Variants in ZZEF1 observed in about 807,000 individuals in gnomAD.
ZZEF1 encodes the protein zinc finger ZZ-type and EF-hand domain-containing protein 1.
ZZEF1 carries 157 observed loss-of-function variants against 342.8 expected under a neutral mutation model. The observed-to-expected ratio is 0.46, with a 90% CI of 0.40 to 0.52. ZZEF1 has a LOEUF of 0.52. ZZEF1 is among the 20% of genes least tolerant of loss of function. The pLI is 0.00. For synonymous variants in ZZEF1, 1,505 were observed against 1,429.1 expected, an observed-to-expected ratio of 1.05 and a Z score of -1.20; for missense variants, 3,480 against 3,725.6, an observed-to-expected ratio of 0.93 and a Z score of 1.72.
chr17:4,094,984 C>T (rs962346820), intron 11 of ZZEF1, among the ~76,000 whole-genome samples: 14 of 152,186 alleles, frequency 9.2e-5, no homozygotes, highest in African/African-American at 3.4e-4. Context: ...CTGGAAATGC[C>T]TCAACACATT....
chr17:4,074,427 C>T (rs1052920214), intron 23 of ZZEF1, 76 bp from the exon 24 acceptor site: 25 of 1,418,904 alleles, frequency 1.8e-5, no homozygotes, highest in Middle Eastern at 3.5e-4. Context: ...CTCTTCATGA[C>T]GAGAAACATC....
chr17:4,115,630 A>G (rs917316246), intron 3 of ZZEF1, among the ~76,000 whole-genome samples: 1 of 152,208 alleles, frequency 6.6e-6, no homozygotes, highest in African/African-American at 2.4e-5. Flanking sequence ...ACCACTGCAC[A>G]CCAGCCTGGG....
In ZZEF1 at chr17:4,142,966, C is replaced by T. The variant is rs2058894738; in HGVS notation, c.-71G>A. The T allele has an allele frequency of 4.7e-6, 6 of 1,277,382 alleles. No homozygotes were observed. The South Asian group carries it at 8.6e-5, about 18-fold the overall frequency. The allele number at this position is 1,277,382 out of a possible 1,614,324, so 79.1% of individuals were successfully genotyped here. Reference sequence around the variant, plus strand: ...CTCCCCGCCTCGACCTGTCAACCTCCGACAGCAGCTGGCGGGCGGGGACGC... The same window carrying T: ...CTCCCCGCCTCGACCTGTCAACCTCTGACAGCAGCTGGCGGGCGGGGACGC... On this transcript the variant is annotated 5_prime_UTR_variant, in exon 1 of 55. Coordinates refer to ENST00000381638, the MANE Select transcript of ZZEF1 (RefSeq NM_015113.4).
chr17:4,128,114 G>A (rs1185431370), intron 1 of ZZEF1, among the ~76,000 whole-genome samples: 1 of 152,108 alleles, frequency 6.6e-6, no homozygotes, highest in Non-Finnish European at 1.5e-5. Flanking sequence ...GGGAGGCTGA[G>A]GCCAGCAGAT....
Position 4,095,893 on chromosome 17 carries a change from G to A in ZZEF1, c.1851C>T (p.Phe617=). ...SSDKFCAEEH[F]KRFEKYDKWK... The stretch of plus-strand genomic sequence containing the variant: ...ATTTGTCATATTTTTCAAACCTTTT[G>A]AAGTGTTCTTCCGCACAAAATTTAT... Residue 617 remains phenylalanine, a synonymous_variant, in exon 11 of 55, where the codon TTC becomes TTT. Coordinates refer to ENST00000381638, the MANE Select transcript of ZZEF1 (RefSeq NM_015113.4). The A allele has an allele frequency of 6.2e-7, 1 of 1,613,622 alleles. No homozygotes were observed. Among genetic ancestry groups the A allele is most frequent in the Non-Finnish European group, 8.5e-7 (1 of 1,179,732 alleles).
rs1453135685 is a variant in ZZEF1, at chr17:4,092,362, A to G, written c.1914-1532T>C. Among the ~76,000 whole-genome samples the G allele has an allele frequency of 4.1e-5, 6 of 144,904 alleles. No individual in the cohort carries two copies. In the East Asian group the frequency reaches 8.6e-4, roughly 21 times the overall value. Reference sequence around the variant, plus strand: ...CGCCCAGGCTGCAATGCAGTGGCACAATCTTGGCTCACTGCAACCTCCACC... The same window carrying G: ...CGCCCAGGCTGCAATGCAGTGGCACGATCTTGGCTCACTGCAACCTCCACC... On this transcript the variant is annotated intron_variant, in intron 11 of 54. Transcript: ENST00000381638.
chr17:4,033,138 T>C (rs2056585731), intron 40 of ZZEF1, 136 bp from the exon 41 acceptor site: 1 of 808,840 alleles, frequency 1.2e-6, no homozygotes, highest in African/African-American at 1.7e-5. Flanking sequence ...ACCAGAATAA[T>C]GCTTTTCGTA....
At chr17:4,081,111 G>A (rs1483881269) in intron 18 of ZZEF1, among the ~76,000 whole-genome samples, 2 of 152,028 alleles carry the variant, frequency 1.3e-5, no homozygotes, top group Non-Finnish European at 2.9e-5. Context: ...GGTGGCGTGT[G>A]CCTGTGTCCC....
chr17:4,104,851 AT>A (rs2058184693), intron 7 of ZZEF1, 40 bp from the exon 8 acceptor site: 1 of 1,587,908 alleles, frequency 6.3e-7, no homozygotes, highest in Non-Finnish European at 8.6e-7. Flanking sequence ...TCTTAAAAAC[AT>A]GAAAAAATCC....
chr17:4,098,796 C>G (rs1181691744), intron 9 of ZZEF1, among the ~76,000 whole-genome samples: 1 of 152,200 alleles, frequency 6.6e-6, no homozygotes, highest in Non-Finnish European at 1.5e-5. Context: ...GGAAACTTCT[C>G]TAATTCACAC....
At chr17:4,018,486 G>A (rs1165568337) in intron 46 of ZZEF1, among the ~76,000 whole-genome samples, 1 of 152,054 alleles carries the variant, frequency 6.6e-6, no homozygotes, top group Non-Finnish European at 1.5e-5. Flanking sequence ...GAATTGGGCA[G>A]CTCCTGAATC....
chr17:4,112,213 T>A (rs1233598747), intron 5 of ZZEF1, among the ~76,000 whole-genome samples: 1 of 150,974 alleles, frequency 6.6e-6, no homozygotes, highest in African/African-American at 2.4e-5. Flanking sequence ...TGGTGTGATC[T>A]CAGCTCACTG....
chr17:4,031,363 T>TA (rs1018492289), intron 42 of ZZEF1, among the ~76,000 whole-genome samples: 5 of 111,128 alleles, frequency 4.5e-5, no homozygotes, highest in African/African-American at 2.0e-4. Context: ...TTTACAATAG[T>TA]AAAAAAAGTG....
intron 9 of ZZEF1, among the ~76,000 whole-genome samples, chr17:4,097,571 T>C (rs1001941470): frequency 7.2e-5 from 11 of 151,800 alleles, no homozygotes; most frequent in Admixed American, 3.9e-4. Context: ...TAAACTATTT[T>C]ACAATTCTGT....
At chr17:4,056,527 AAAG>A (rs1467898361) in intron 32 of ZZEF1, among the ~76,000 whole-genome samples, 182 bp from the exon 33 acceptor site, 2 of 152,200 alleles carry the variant, frequency 1.3e-5, no homozygotes, top group Non-Finnish European at 2.9e-5. Flanking sequence ...ATATGCCAAG[AAAG>A]AAGGAGAAGC....
intron 1 of ZZEF1, among the ~76,000 whole-genome samples, chr17:4,137,422 A>C: frequency 6.6e-6 from 1 of 152,262 alleles, no homozygotes; most frequent in Admixed American, 6.5e-5. Context: ...CATCCTGGCT[A>C]ACACGGTGAA....
chr17:4,101,454 C>T (rs1443142769), intron 9 of ZZEF1, among the ~76,000 whole-genome samples: 2 of 152,066 alleles, frequency 1.3e-5, no homozygotes, highest in African/African-American at 2.4e-5. Flanking sequence ...AATAACAAGG[C>T]GGCCAACAAG....
At chr17:4,077,665 T>TA (rs1479764025) in intron 19 of ZZEF1, among the ~76,000 whole-genome samples, 1 of 152,190 alleles carries the variant, frequency 6.6e-6, no homozygotes, top group East Asian at 1.9e-4. Context: ...AATTCTACAA[T>TA]AAAAATACTT....
intron 1 of ZZEF1, among the ~76,000 whole-genome samples, chr17:4,136,343 CA>C (rs10567843): frequency 0.72 from 94,421 of 130,402 alleles, 33,308 homozygotes; most frequent in East Asian, 0.91. Context: ...GACTCCGTCT[CA>C]AAAAAAAAAA....
Sources: gnomAD v4.1 joint callset for allele counts (sites outside exome capture counted in the v4.1 genomes callset) on GRCh38, gnomAD v4.1.1 for gene constraint, MANE v1.5 for transcripts, NCBI Gene and HGNC (gene_info 2026-07-23, HGNC 2026-07-21) for gene names.